ZNF280D: variants seen among roughly 807,000 people sequenced by gnomAD.
ZNF280D encodes zinc finger protein 280D.
ZNF280D carries 39 observed loss-of-function variants against 94.7 expected under a neutral mutation model. That is an observed-to-expected ratio of 0.41 (90% CI 0.32 to 0.54). The LOEUF is 0.54. ZNF280D is among the 20% of genes least tolerant of loss of function. The probability of loss-of-function intolerance (pLI) is 0.22; values close to 1 mark genes in which losing one functional copy is unlikely to be tolerated. For missense variants in ZNF280D, 1,090 were observed against 1,149.3 expected, an observed-to-expected ratio of 0.95 and a Z score of 0.75; for synonymous variants, 398 against 377.6, an observed-to-expected ratio of 1.05 and a Z score of -0.63.
In ZNF280D at chr15:56,630,521, C is replaced by A. The variant is rs548551184; in HGVS notation, c.*977G>T. 1 of 152,122 alleles carries A rather than the reference C, an allele frequency of 6.6e-6. No homozygotes were observed. The highest frequency in any genetic ancestry group is 1.9e-4 in the East Asian group (1 of 5,184). The allele number at this position is 152,122 out of a possible 1,614,324, so 9.4% of individuals were successfully genotyped here. ...GGTCCCATTTGAAGTTTTTATTTTA[C>A]AATTACAGAAAAGTCACTTAAACAT... On this transcript the variant is annotated 3_prime_UTR_variant, in exon 22 of 22. Transcript: ENST00000267807.
At chr15:56,703,152 T>A (rs2057187061) in intron 4 of ZNF280D, among the ~76,000 whole-genome samples, 1 of 152,228 alleles carries the variant, frequency 6.6e-6, no homozygotes, top group Admixed American at 6.5e-5. Context: ...ATTATAACAA[T>A]GTCAAGCCCA....
At chr15:56,709,116 A>C (rs1203225795) in intron 1 of ZNF280D, among the ~76,000 whole-genome samples, 71 of 152,188 alleles carry the variant, frequency 4.7e-4, no homozygotes, top group Non-Finnish European at 6.9e-4. Flanking sequence ...TCATCTGACA[A>C]AGGGCTAATA....
chr15:56,637,167 G>GA (rs2052393392), intron 20 of ZNF280D, among the ~76,000 whole-genome samples: 1 of 107,768 alleles, frequency 9.3e-6, no homozygotes, highest in Non-Finnish European at 2.0e-5. Context: ...TTTCCAGAAT[G>GA]AATTTTTTTT....
At chr15:56,649,609 GTT>G (rs113795502) in intron 19 of ZNF280D, among the ~76,000 whole-genome samples, 1 of 142,700 alleles carries the variant, frequency 7.0e-6, no homozygotes, top group African/African-American at 2.6e-5. Context: ...AGATCAGTTT[GTT>G]TTTTTTTTTT....
chr15:56,659,573 T>C (rs1456393257), intron 16 of ZNF280D, among the ~76,000 whole-genome samples: 3 of 151,930 alleles, frequency 2.0e-5, no homozygotes, highest in East Asian at 3.8e-4. Context: ...ATAGTATGTA[T>C]AGGAAAAAAA....
At chr15:56,699,720 T>C in intron 6 of ZNF280D, 1 of 319,202 alleles carries the variant, frequency 3.1e-6, no homozygotes, top group South Asian at 1.3e-4. Context: ...ACAAGTGCTT[T>C]TCCTCAAGAC....
Position 56,658,364 on chromosome 15 carries a change from A to G in ZNF280D, c.2057+60T>C, listed in dbSNP as rs986891082. On this transcript the variant is annotated intron_variant, in intron 17 of 21. Coordinates refer to ENST00000267807, the MANE Select transcript of ZNF280D (RefSeq NM_017661.4). ...TACCTCAATAAAGCTGTTGTGTTAA[A>G]AAAAATTTAAGTCATTACAATTTTT... 6 of 1,318,772 alleles carry G rather than the reference A, an allele frequency of 4.5e-6. No individual in the cohort carries two copies. In the African/African-American group the frequency reaches 9.0e-5, roughly 20 times the overall value. The allele number at this position is 1,318,772 out of a possible 1,614,324, so 81.7% of individuals were successfully genotyped here.
chr15:56,666,460 G>A lies in ZNF280D; in HGVS notation c.1929C>T (p.Tyr643=), dbSNP rs750731956. The change falls in exon 16 of 22, where the codon TAC becomes TAT. Residue 643 remains tyrosine, a synonymous_variant. Coordinates refer to ENST00000267807, the MANE Select transcript of ZNF280D (RefSeq NM_017661.4). ...TGTATCTGCAAAAACTACAGTGGACGTACGTAGGAAAGTGGTTTGCAAAAT... is the reference window on the plus strand; with the variant it reads ...TGTATCTGCAAAAACTACAGTGGACATACGTAGGAAAGTGGTTTGCAAAAT... The part of the protein sequence containing the change: ...IKDFANHFPT[Y]VHCSFCRYNT... 12 of 1,602,100 alleles carry A rather than the reference G, an allele frequency of 7.5e-6. No homozygotes were observed. The highest frequency in any genetic ancestry group is 7.1e-5 in the Admixed American group (4 of 56,388).
intron 13 of ZNF280D, among the ~76,000 whole-genome samples, chr15:56,669,888 T>TA (rs371784062): frequency 0.054 from 256 of 4,756 alleles, 53 homozygotes; most frequent in Non-Finnish European, 0.095. Flanking sequence ...TATATATATA[T>TA]TATATATATA....
chr15:56,672,646 T>C (rs565269457), intron 13 of ZNF280D, among the ~76,000 whole-genome samples: 4 of 152,114 alleles, frequency 2.6e-5, no homozygotes, highest in African/African-American at 9.6e-5. Flanking sequence ...TTTGTGTGTG[T>C]GGTTTTTTTT....
At position 56,719,886 on chromosome 15, in the gene ZNF280D, TAA is replaced by T. The variant is rs35398429; in HGVS notation, c.-85-12582_-85-12581del. Among the ~76,000 whole-genome samples the T allele has an allele frequency of 3.5e-3, 354 of 101,694 alleles. 1 individual carries two copies. The highest frequency in any genetic ancestry group is 9.1e-3 in the African/African-American group (248 of 27,392). The allele number at this position is 101,694 out of a possible 152,430, so 66.7% of individuals were successfully genotyped here. A position where few individuals can be genotyped will look rare whatever the true frequency, so the allele number is the denominator to read the frequency against. The stretch of plus-strand genomic sequence containing the variant: ...ACCTTAATAAAAACTACTTTATTGC[TAA>T]AAAAAAAAAAAAAAAAAAAAAGATA... On this transcript the variant is annotated intron_variant, in intron 1 of 21. Transcript: ENST00000267807.
chr15:56,654,131 A>G, intron 19 of ZNF280D, 67 bp downstream of exon 19: 3 of 1,565,168 alleles, frequency 1.9e-6, no homozygotes, highest in Non-Finnish European at 2.6e-6. Flanking sequence ...TATTAATGAT[A>G]CATTTAAAAA....
rs769756795 is a variant in ZNF280D at position 56,631,933 on chromosome 15, T to A, written c.2505A>T (p.Lys835Asn). Residue 835 changes from lysine to asparagine, a missense_variant, in exon 22 of 22, where the codon AAA becomes AAT. By Grantham distance (94) the Lys-to-Asn change is moderately conservative (BLOSUM62 0). Around this residue, in one of 3 missense-constraint regions of ZNF280D, gnomAD observed 577 missense variants for 568.8 expected, o/e 1.01. Coordinates refer to ENST00000267807, the MANE Select transcript of ZNF280D (RefSeq NM_017661.4). ...GTTGTATTTGTTTTTTCTTTTCCAC[T>A]TTATCTGCACCAATATTTGAATCAC... ...VSCDSNIGAD[K>N]VEKKKQIQHV... 9 of 1,613,968 alleles carry A rather than the reference T, an allele frequency of 5.6e-6. No homozygotes were observed. The East Asian group carries it at 2.0e-4, about 36-fold the overall frequency.
At chr15:56,674,720 T>G (rs1034347096) in intron 13 of ZNF280D, among the ~76,000 whole-genome samples, 1 of 152,084 alleles carries the variant, frequency 6.6e-6, no homozygotes, top group African/African-American at 2.4e-5. Flanking sequence ...TGCCATAAGG[T>G]AAGTAATTAG....
chr15:56,727,909 T>G (rs2058706065), intron 1 of ZNF280D, among the ~76,000 whole-genome samples: 1 of 152,240 alleles, frequency 6.6e-6, no homozygotes, highest in South Asian at 2.1e-4. Context: ...GGCATTCTCA[T>G]CCAGTGGGAA....
At chr15:56,653,416 C>A in intron 19 of ZNF280D, 1 of 1,391,956 alleles carries the variant, frequency 7.2e-7, no homozygotes, top group South Asian at 1.7e-5. Context: ...GGGAGGCCAG[C>A]CATGTAGAAA....
rs2054329179 is a variant in ZNF280D at position 56,666,910 on chromosome 15, G to A, written c.1622C>T (p.Thr541Ile). ...PTPSISASAS[T>I]LQLSPPRTKN... ...AGTCCTTGGAGGTGAGAGCTGAAGG[G>A]TAGAAGCACTTGCACTAATGGAAGG... is the stretch of plus-strand genomic sequence containing the variant. Residue 541 changes from threonine (T) to isoleucine (I), a missense_variant, in exon 15 of 22, where the codon ACC becomes ATC. Coordinates refer to ENST00000267807, the MANE Select transcript of ZNF280D (RefSeq NM_017661.4). The A allele has an allele frequency of 6.2e-7, 1 of 1,613,644 alleles. No individual in the cohort carries two copies. Among genetic ancestry groups the A allele is most frequent in the South Asian group, 1.1e-5 (1 of 91,072 alleles).
intron 1 of ZNF280D, among the ~76,000 whole-genome samples, chr15:56,727,305 C>T (rs1017774192): frequency 3.9e-5 from 6 of 152,012 alleles, no homozygotes; most frequent in African/African-American, 1.4e-4. Flanking sequence ...ACTAAAAATA[C>T]AAAATTAGTC....
At chr15:56,707,047 C>T in intron 3 of ZNF280D, 35 bp downstream of exon 3, 2 of 1,604,738 alleles carry the variant, frequency 1.2e-6, no homozygotes, top group South Asian at 1.1e-5. Flanking sequence ...ACAAAAGCCA[C>T]ATATATTAGT....
Sources: gnomAD v4.1 joint callset for allele counts (sites outside exome capture counted in the v4.1 genomes callset) on GRCh38, gnomAD v4.1.1 for gene constraint, gnomAD v4.1.1 regional missense constraint, MANE v1.5 for transcripts, NCBI Gene and HGNC (gene_info 2026-07-23, HGNC 2026-07-21) for gene names.